TRPM3: variants seen among roughly 807,000 people sequenced by gnomAD.
TRPM3 encodes the protein transient receptor potential cation channel subfamily M member 3.
In TRPM3, 77 loss-of-function variants were observed where a neutral mutation model predicts 181.2. That is an observed-to-expected ratio of 0.42 (90% CI 0.35 to 0.51). The LOEUF (loss-of-function observed/expected upper bound fraction) is 0.51, where lower values mean the gene tolerates loss of function less well. TRPM3 is among the 20% of genes least tolerant of loss of function. The pLI, the probability that TRPM3 is intolerant of heterozygous loss-of-function variation, is 0.01. For synonymous variants in TRPM3, 745 were observed against 796.4 expected, an observed-to-expected ratio of 0.94 and a Z score of 1.09; for missense variants, 1,759 against 2,196.7, an observed-to-expected ratio of 0.80 and a Z score of 3.98.
At chr9:70,691,957 C>T (rs1402107660) in intron 8 of TRPM3, among the ~76,000 whole-genome samples, 1 of 152,100 alleles carries the variant, frequency 6.6e-6, no homozygotes, top group East Asian at 1.9e-4. Flanking sequence ...TTCCTCTTAT[C>T]ACTAGAGACA....
At chr9:71,425,098 G>GTC (rs1048397299) in intron 1 of TRPM3, among the ~76,000 whole-genome samples, 11 of 147,282 alleles carry the variant, frequency 7.5e-5, no homozygotes, top group African/African-American at 2.8e-4. Flanking sequence ...ACCTACATAT[G>GTC]TCTCTGGTTT....
At chr9:70,802,310 T>C (rs2089345049) in intron 6 of TRPM3, among the ~76,000 whole-genome samples, 1 of 152,178 alleles carries the variant, frequency 6.6e-6, no homozygotes, top group African/African-American at 2.4e-5. Flanking sequence ...CTATAAAGGG[T>C]CAAATAGCAA....
rs1326284602 is a variant in TRPM3, at chr9:70,532,633, C to T, written c.*3320G>A. On this transcript the variant is annotated 3_prime_UTR_variant, in exon 26 of 26. Transcript: ENST00000677713. ...GACCTCCATGGTCATTTTCATAAAA[C>T]ATCCTTAAATTTTTTTCAAAAGGAA... is the stretch of plus-strand genomic sequence containing the variant. 7.8e-6 allele frequency: 1 copy of T among 128,800 alleles called. No homozygotes were observed. Among genetic ancestry groups the T allele is most frequent in the Non-Finnish European group, 1.7e-5 (1 of 57,670 alleles). 8.0% of individuals were successfully genotyped at this position (128,800 alleles called of 1,614,324 possible). A position where few individuals can be genotyped will look rare whatever the true frequency, so the allele number is the denominator to read the frequency against.
At chr9:70,779,856 G>T (rs1010038454) in intron 7 of TRPM3, among the ~76,000 whole-genome samples, 2 of 152,120 alleles carry the variant, frequency 1.3e-5, no homozygotes, top group Non-Finnish European at 2.9e-5. Flanking sequence ...TATGACAGAT[G>T]AGAAACAGAA....
chr9:71,212,021 G>C (rs2079536534), intron 1 of TRPM3, among the ~76,000 whole-genome samples: 1 of 152,192 alleles, frequency 6.6e-6, no homozygotes, highest in Admixed American at 6.5e-5. Context: ...TTGGGGTAGG[G>C]TGGAGAGCTT....
chr9:71,445,360 T>C (rs551022726), intron 1 of TRPM3, among the ~76,000 whole-genome samples: 1 of 152,366 alleles, frequency 6.6e-6, no homozygotes, highest in Non-Finnish European at 1.5e-5. Flanking sequence ...TTCAGATTAA[T>C]ATTCTTTTGT....
In TRPM3 at chr9:71,025,833, G is replaced by C. The variant is rs149034050; in HGVS notation, c.177+95345C>G. On this transcript the variant is annotated intron_variant, in intron 1 of 25. Coordinates refer to ENST00000677713, the MANE Select transcript of TRPM3 (RefSeq NM_001366145.2). ...TCCCACTGAGGGAACAGGACACCAG[G>C]AAGACTGGTGAACTCAGAGGAAAGG... is the stretch of plus-strand genomic sequence containing the variant. Among the ~76,000 whole-genome samples, 31 of 152,290 alleles carry C rather than the reference G, an allele frequency of 2.0e-4. No homozygotes were observed. In the East Asian group the frequency reaches 2.1e-3, roughly 10 times the overall value.
chr9:71,092,911 G>C (rs940906233), intron 1 of TRPM3, among the ~76,000 whole-genome samples: 1 of 152,060 alleles, frequency 6.6e-6, no homozygotes, highest in Non-Finnish European at 1.5e-5. Flanking sequence ...TAGACCAATG[G>C]AATAGAACAG....
At chr9:70,645,383 A>G (rs1203663629) in intron 9 of TRPM3, among the ~76,000 whole-genome samples, 1 of 152,196 alleles carries the variant, frequency 6.6e-6, no homozygotes, top group African/African-American at 2.4e-5. Context: ...GGAACAGAGC[A>G]GAGGCCTCAG....
intron 2 of TRPM3, among the ~76,000 whole-genome samples, chr9:70,863,321 T>G (rs2095566707): frequency 6.6e-6 from 1 of 152,144 alleles, no homozygotes; most frequent in Non-Finnish European, 1.5e-5. Context: ...CTACCCATTT[T>G]CCTTTAGCTG....
chr9:71,226,009 TAAAAAAAA>T, intron 1 of TRPM3, among the ~76,000 whole-genome samples: 2 of 34,706 alleles, frequency 5.8e-5, no homozygotes, highest in Admixed American at 4.6e-4. Flanking sequence ...CAACAAAAGG[TAAAAAAAA>T]AAAAAAAAAA....
chr9:71,242,296 A>T (rs1449351929), intron 1 of TRPM3, among the ~76,000 whole-genome samples: 1 of 152,174 alleles, frequency 6.6e-6, no homozygotes, highest in African/African-American at 2.4e-5. Context: ...CATGATCTAC[A>T]GGGGGCAGAG....
chr9:71,392,101 G>A (rs114503239), intron 1 of TRPM3, among the ~76,000 whole-genome samples: 1 of 152,172 alleles, frequency 6.6e-6, no homozygotes, highest in African/African-American at 2.4e-5. Context: ...AAAGAGAAAA[G>A]CCAATTTAGA....
At position 71,136,244 on chromosome 9, in the gene TRPM3, T is replaced by C. The variant is rs115329413; in HGVS notation, c.184-271733A>G. The stretch of plus-strand genomic sequence containing the variant: ...TTAGATAAGCTGAAAACATCAATTA[T>C]GTAGCTAGTGGCTCAAGAAGGTTTA... On this transcript the variant is annotated intron_variant, in intron 1 of 24. Transcript: ENST00000357533. Among the ~76,000 whole-genome samples the C allele has an allele frequency of 3.6e-3, 544 of 152,342 alleles. 5 individuals carry two copies. Among genetic ancestry groups the C allele is most frequent in the African/African-American group, 0.012 (506 of 41,582 alleles).
chr9:71,338,944 A>G (rs948400426), intron 1 of TRPM3, among the ~76,000 whole-genome samples: 1 of 152,176 alleles, frequency 6.6e-6, no homozygotes, highest in Non-Finnish European at 1.5e-5. Context: ...AACTATCTCT[A>G]TTTGTAGATA....
At chr9:71,221,385 C>T (rs1000226780) in intron 1 of TRPM3, among the ~76,000 whole-genome samples, 3 of 152,066 alleles carry the variant, frequency 2.0e-5, no homozygotes, top group African/African-American at 7.2e-5. Flanking sequence ...CACATAAATA[C>T]ATATAAGTTT....
At chr9:71,375,176 T>A (rs2092634297) in intron 1 of TRPM3, among the ~76,000 whole-genome samples, 1 of 152,050 alleles carries the variant, frequency 6.6e-6, no homozygotes. Context: ...CAAGGACACA[T>A]AGACCATTGG....
At chr9:71,098,924 C>T (rs992538415) in intron 1 of TRPM3, among the ~76,000 whole-genome samples, 1 of 152,100 alleles carries the variant, frequency 6.6e-6, no homozygotes, top group Admixed American at 6.6e-5. Flanking sequence ...TGCTACACTT[C>T]CTTCTCTCCC....
chr9:70,630,429 T>C (rs2065599835), intron 12 of TRPM3, among the ~76,000 whole-genome samples: 4 of 152,182 alleles, frequency 2.6e-5, no homozygotes, highest in Admixed American at 2.0e-4. Flanking sequence ...AACCAGAGGC[T>C]TGTAGACAAG....
Sources: gnomAD v4.1 joint callset for allele counts (sites outside exome capture counted in the v4.1 genomes callset) on GRCh38, gnomAD v4.1.1 for gene constraint, MANE v1.5 for transcripts, NCBI Gene and HGNC (gene_info 2026-07-23, HGNC 2026-07-21) for gene names.